ATXN3: variants seen among roughly 807,000 people sequenced by gnomAD.
ATXN3 encodes ataxin-3.
ATXN3 carries 28 observed loss-of-function variants against 58.2 expected under a neutral mutation model. That is an observed-to-expected ratio of 0.48 (90% CI 0.36 to 0.66). The LOEUF (loss-of-function observed/expected upper bound fraction) is 0.66, where lower values mean the gene tolerates loss of function less well. ATXN3 is among the 30% of genes least tolerant of loss of function. The pLI, the probability that ATXN3 is intolerant of heterozygous loss-of-function variation, is 0.00. For missense variants in ATXN3, 321 were observed against 422.1 expected (o/e 0.76, Z 2.10); for synonymous variants, 113 against 138.5 (o/e 0.82, Z 1.29).
At chr14:92,091,991 T>C (rs1225908379) in intron 5 of ATXN3, among the ~76,000 whole-genome samples, 1 of 152,116 alleles carries the variant, frequency 6.6e-6, no homozygotes, top group Non-Finnish European at 1.5e-5. Context: ...CCACTGCATC[T>C]GGCCTCTGAA....
chr14:92,100,451 T>A (rs1357915164), intron 1 of ATXN3, among the ~76,000 whole-genome samples: 1 of 151,960 alleles, frequency 6.6e-6, no homozygotes, highest in Non-Finnish European at 1.5e-5. Context: ...AATGGATAGC[T>A]GGGATCACAG....
chr14:92,086,505 C>T (rs952455977), intron 6 of ATXN3, among the ~76,000 whole-genome samples: 6 of 139,310 alleles, frequency 4.3e-5, no homozygotes, highest in East Asian at 2.1e-4. Context: ...GCAGAAGTTA[C>T]GGTGAGCCGA....
chr14:92,093,132 G>T, intron 5 of ATXN3, 120 bp downstream of exon 5: 1 of 541,848 alleles, frequency 1.8e-6, no homozygotes, highest in East Asian at 3.8e-5. Flanking sequence ...CTGGCTTCAA[G>T]TGATCCCCCC....
At chr14:92,054,060 A>C (rs1015625753), downstream of ATXN3, among the ~76,000 whole-genome samples, 1 of 151,826 alleles carries the variant, frequency 6.6e-6, no homozygotes, top group Non-Finnish European at 1.5e-5. Flanking sequence ...TCAGCCTCCC[A>C]AGTAGCTGGC....
At chr14:92,103,041 T>G (rs2067204507) in intron 1 of ATXN3, among the ~76,000 whole-genome samples, 1 of 151,512 alleles carries the variant, frequency 6.6e-6, no homozygotes, top group African/African-American at 2.4e-5. Flanking sequence ...TTATTACCAG[T>G]TTGCATTACA....
chr14:92,045,137 A>T (rs1183873433), intron 2 of ATXN3, among the ~76,000 whole-genome samples: 28 of 152,168 alleles, frequency 1.8e-4, no homozygotes, highest in Non-Finnish European at 2.9e-5. Context: ...GACGGGCTCT[A>T]ATTCTGTGAA....
intron 1 of ATXN3, among the ~76,000 whole-genome samples, chr14:92,101,969 A>T (rs2066913221): frequency 6.6e-6 from 1 of 152,148 alleles, no homozygotes; most frequent in Admixed American, 6.6e-5. Context: ...CCTGGCCAAC[A>T]TGGTGAAACC....
In ATXN3 at chr14:92,093,233, G is replaced by A; in HGVS notation, c.387+19C>T. ...GTACAATATAAGAAAAAAAGACAAG[G>A]AAGGGTAAGAAATGTTACCTGTTTT... On this transcript the variant is annotated intron_variant, in intron 5 of 10. Coordinates refer to ENST00000644486, the MANE Select transcript of ATXN3 (RefSeq NM_004993.6). 6.8e-7 allele frequency: 1 copy of A among 1,471,144 alleles called. No homozygotes were observed. The highest frequency in any genetic ancestry group is 9.4e-7 in the Non-Finnish European group (1 of 1,064,728). 91.1% of individuals were successfully genotyped at this position (1,471,144 alleles called of 1,614,324 possible). A position where few individuals can be genotyped will look rare whatever the true frequency, so the allele number is the denominator to read the frequency against.
intron 3 of ATXN3, among the ~76,000 whole-genome samples, chr14:92,095,503 A>G (rs2065003706): frequency 6.7e-6 from 1 of 150,200 alleles, no homozygotes; most frequent in South Asian, 2.1e-4. Context: ...CGGCCTCCCC[A>G]AAGTGCTGGG....
intron 6 of ATXN3, among the ~76,000 whole-genome samples, chr14:92,086,190 T>C (rs1000996555): frequency 2.8e-5 from 4 of 141,246 alleles, no homozygotes; most frequent in Non-Finnish European, 6.0e-5. Flanking sequence ...GGTGGATCAC[T>C]CGAGGCCAGG....
At chr14:92,070,798 A>G in intron 10 of ATXN3, 137 bp downstream of exon 10, 1 of 1,489,474 alleles carries the variant, frequency 6.7e-7, no homozygotes, top group Non-Finnish European at 9.0e-7. Flanking sequence ...GAAATTTAGT[A>G]GATTACAAAT....
rs891583094 is a variant in ATXN3, at chr14:92,074,144, T to G, written c.873-3091A>C. On this transcript the variant is annotated intron_variant, in intron 9 of 10. Transcript: ENST00000644486. ...GAGTTCAAGACCAGCCTGGCCAACG[T>G]GGCAAAACCCCACCTCTACTAAAAA... Among the ~76,000 whole-genome samples the G allele has an allele frequency of 1.7e-4, 25 of 150,958 alleles. 1 individual carries two copies.
rs34755730 is a variant in ATXN3 at position 92,069,371 on chromosome 14, CTT to C, written c.991+1562_991+1563del. On this transcript the variant is annotated intron_variant, in intron 10 of 10. Coordinates refer to ENST00000644486, the MANE Select transcript of ATXN3 (RefSeq NM_004993.6). ...CAGGCGTAAGCCACCGTGTCCAGCC[CTT>C]TTTTTTTTTTTTTTTTTTGAGACAG... is the stretch of plus-strand genomic sequence containing the variant. Among the ~76,000 whole-genome samples, 643 of 92,550 alleles carry C rather than the reference CTT, an allele frequency of 6.9e-3. 4 individuals are homozygous for C. Among genetic ancestry groups the C allele is most frequent in the African/African-American group, 0.027 (579 of 21,806 alleles). 60.7% of individuals were successfully genotyped at this position (92,550 alleles called of 152,430 possible).
chr14:92,075,222 T>C (rs1182675651), intron 9 of ATXN3, among the ~76,000 whole-genome samples: 4 of 142,974 alleles, frequency 2.8e-5, no homozygotes. Context: ...TGTAGTGCAA[T>C]GGCACAACCT....
chr14:92,071,074 G>A (rs1438501434), intron 9 of ATXN3, 21 bp from the exon 10 acceptor site: 2 of 1,194,750 alleles, frequency 1.7e-6, no homozygotes. Context: ...CAAAAGTGAA[G>A]TATATTTAAA....
upstream of ATXN3, chr14:92,050,661 G>GC (rs1236736774): frequency 1.3e-5 from 2 of 152,214 alleles, no homozygotes; most frequent in Non-Finnish European, 2.9e-5. Flanking sequence ...TGTTCTTTGT[G>GC]TTTTTTTGAG....
rs143167763 is a variant in ATXN3, at chr14:92,102,110, G to A, written c.24+4419C>T. 2.8e-3 allele frequency among the ~76,000 whole-genome samples: 420 copies of A among 150,950 alleles called. 6 individuals carry two copies. The highest frequency in any genetic ancestry group is 0.026 in the South Asian group (124 of 4,758). The stretch of plus-strand genomic sequence containing the variant: ...GGAGGTTGCAGTGAGCTGAGTTCGC[G>A]CCACTGCACTCCAGCCTGGTGACAA... On this transcript the variant is annotated intron_variant, in intron 1 of 10. Transcript: ENST00000644486.
downstream of ATXN3, among the ~76,000 whole-genome samples, chr14:92,053,558 G>C (rs183608370): frequency 6.7e-6 from 1 of 148,978 alleles, no homozygotes; most frequent in Non-Finnish European, 1.5e-5. Context: ...GTGCAGTGGT[G>C]CGATCATAGC....
At chr14:92,064,896 G>C (rs568253470) in intron 10 of ATXN3, among the ~76,000 whole-genome samples, 1 of 152,146 alleles carries the variant, frequency 6.6e-6, no homozygotes, top group Non-Finnish European at 1.5e-5. Flanking sequence ...GAGAGGTTTC[G>C]TGTACTCTTT....
Sources: allele counts gnomAD v4.1 joint callset (sites outside exome capture counted in the v4.1 genomes callset), GRCh38; gene constraint gnomAD v4.1.1; transcripts MANE v1.5; gene names NCBI Gene and HGNC (gene_info 2026-07-23, HGNC 2026-07-21).